The following SMARCA4 variants were observed in gnomAD, a reference collection of about 807,000 sequenced individuals.
SMARCA4 encodes the protein SWI/SNF-related matrix-associated actin-dependent regulator of chromatin subfamily A member 4.
Under a neutral mutation model 193.9 loss-of-function variants are expected in SMARCA4, and 31 were observed. That is an observed-to-expected ratio of 0.16 (90% CI 0.12 to 0.22). The LOEUF (loss-of-function observed/expected upper bound fraction) is 0.22. SMARCA4 is among the 10% of genes least tolerant of loss of function. SMARCA4 has a pLI of 1.00. For missense variants in SMARCA4, 1,148 were observed against 2,296.0 expected (o/e 0.50, Z 10.22); for synonymous variants, 942 against 933.1 (o/e 1.01, Z -0.17).
intron 24 of SMARCA4, 28 bp downstream of exon 24, chr19:11,027,978 T>A (rs2146547741): frequency 6.2e-7 from 1 of 1,612,390 alleles, no homozygotes; most frequent in Non-Finnish European, 8.5e-7. Flanking sequence ...AGGCGTTTCT[T>A]ACAGGGTTTT....
chr19:11,034,606 G>T lies in SMARCA4; in HGVS notation c.3952-308G>T, dbSNP rs111624648. Reference sequence around the variant, plus strand: ...CACCCAAGCAGGGGCCCCTTGGCCCGCAGGCCTCATGCCTCCACCAACGCT... The same window carrying T: ...CACCCAAGCAGGGGCCCCTTGGCCCTCAGGCCTCATGCCTCCACCAACGCT... On this transcript the variant is annotated intron_variant, in intron 28 of 34. Coordinates refer to ENST00000344626, the MANE Select transcript of SMARCA4 (RefSeq NM_003072.5). The surrounding 1 kb of genome is among the most constrained non-coding windows in gnomAD (Gnocchi z 7.0). Among the ~76,000 whole-genome samples, 3 of 152,160 alleles carry T rather than the reference G, an allele frequency of 2.0e-5. No homozygotes were observed. The highest frequency in any genetic ancestry group is 7.2e-5 in the African/African-American group (3 of 41,454).
chr19:10,972,100 C>T lies in SMARCA4; in HGVS notation c.-32+10926C>T, dbSNP rs140470372. ...CCCCCACACCGAGTAGCTGGGATTA[C>T]GGGCGCCTGCCACCATGCCGGCTAA... On this transcript the variant is annotated intron_variant, in intron 1 of 34. Transcript: ENST00000344626. Among the ~76,000 whole-genome samples, 91 of 152,140 alleles carry T rather than the reference C, an allele frequency of 6.0e-4. 1 individual carries two copies. The highest frequency in any genetic ancestry group is 1.8e-3 in the African/African-American group (75 of 41,520).
chr19:10,971,795 G>A (rs547737941), intron 1 of SMARCA4, among the ~76,000 whole-genome samples: 7 of 140,092 alleles, frequency 5.0e-5, no homozygotes, highest in African/African-American at 1.6e-4. Context: ...TTTTTTTGGA[G>A]GGGGGAGATG....
At chr19:11,003,993 T>A (rs570152788) in intron 13 of SMARCA4, among the ~76,000 whole-genome samples, 1 of 151,430 alleles carries the variant, frequency 6.6e-6, no homozygotes, top group East Asian at 2.0e-4. Context: ...ATTACAGACA[T>A]GAACCTCCAC....
intron 6 of SMARCA4, 104 bp downstream of exon 6, chr19:10,988,028 G>A (rs2086220498): frequency 3.4e-6 from 4 of 1,178,166 alleles, no homozygotes; most frequent in Non-Finnish European, 3.7e-6. Flanking sequence ...AGTGCCCTGT[G>A]CCCACCACTG....
intron 11 of SMARCA4, among the ~76,000 whole-genome samples, chr19:11,001,546 G>A (rs913918838): frequency 6.6e-6 from 1 of 152,222 alleles, no homozygotes; most frequent in African/African-American, 2.4e-5. Context: ...GGGGAGGCAT[G>A]CAGCAATCGG....
Position 10,984,183 on chromosome 19 carries a change from C to A in SMARCA4, c.32C>A (p.Thr11Asn). 6.2e-7 allele frequency: 1 copy of A among 1,613,476 alleles called. No individual in the cohort carries two copies. Among genetic ancestry groups the A allele is most frequent in the South Asian group, 1.1e-5 (1 of 91,084 alleles). Reference sequence around the variant, plus strand: ...ACTCCAGACCCACCCCTGGGCGGAACTCCTCGGCCAGGTCCTTCCCCGGGC... The same window carrying A: ...ACTCCAGACCCACCCCTGGGCGGAAATCCTCGGCCAGGTCCTTCCCCGGGC... The part of the protein sequence containing the change: MSTPDPPLGG[T>N]PRPGPSPGPG... Residue 11 changes from threonine to asparagine, a missense_variant, in exon 2 of 35, where the codon ACT becomes AAT. By Grantham distance (65) the Thr-to-Asn change is moderately conservative. Around this residue, in one of 17 missense-constraint regions of SMARCA4, gnomAD observed 201 missense variants for 248.3 expected, o/e 0.81. Transcript: ENST00000344626. This position sits in a 1 kb window ranked among gnomAD's most constrained non-coding sequence, Gnocchi z 4.3.
In SMARCA4 at chr19:10,984,436, C is replaced by T. The variant is rs2145730000; in HGVS notation, c.222+63C>T. On this transcript the variant is annotated intron_variant, in intron 2 of 34. Coordinates refer to ENST00000344626, the MANE Select transcript of SMARCA4 (RefSeq NM_003072.5). This position sits in a 1 kb window ranked among gnomAD's most constrained non-coding sequence, Gnocchi z 4.3. ...TGCCCACTAGGGCTGCAGGCAGCCT[C>T]TGGACCGAGGGCCTTACTTGGAGGA... The T allele has an allele frequency of 6.5e-7, 1 of 1,549,680 alleles. No individual in the cohort carries two copies. Among genetic ancestry groups the T allele is most frequent in the East Asian group, 2.4e-5 (1 of 40,934 alleles).
intron 23 of SMARCA4, 36 bp downstream of exon 23, chr19:11,026,382 G>A (rs780061075): frequency 6.4e-7 from 1 of 1,555,252 alleles, no homozygotes; most frequent in Non-Finnish European, 8.9e-7. Flanking sequence ...GTGGGCAGGT[G>A]GTCCACCCAG....
intron 8 of SMARCA4, among the ~76,000 whole-genome samples, chr19:10,993,841 T>A (rs2086771239): frequency 1.3e-5 from 2 of 151,528 alleles, no homozygotes; most frequent in Non-Finnish European, 2.9e-5. Context: ...GAGACGGGGT[T>A]TCACCATGTT....
intron 23 of SMARCA4, 150 bp downstream of exon 23, chr19:11,026,496 T>TA: frequency 1.3e-5 from 7 of 549,910 alleles, no homozygotes; most frequent in East Asian, 6.6e-5. Flanking sequence ...ATAATACAAA[T>TA]CTTTTTTTTT....
intron 1 of SMARCA4, among the ~76,000 whole-genome samples, chr19:10,981,231 C>G (rs2085528307): frequency 6.6e-6 from 1 of 152,102 alleles, no homozygotes; most frequent in Middle Eastern, 3.2e-3. Context: ...AGGGGAGCGC[C>G]AAGGAGCCAG....
At chr19:10,990,965 C>T (rs2086505736) in intron 7 of SMARCA4, among the ~76,000 whole-genome samples, 185 bp from the exon 8 acceptor site, 1 of 152,234 alleles carries the variant, frequency 6.6e-6, no homozygotes, top group Non-Finnish European at 1.5e-5. Flanking sequence ...AAGTGATCAC[C>T]TTCTGTCCTG....
chr19:11,030,165 G>A lies in SMARCA4; in HGVS notation c.3383-565G>A, dbSNP rs1290264726. Among the ~76,000 whole-genome samples, 2 of 152,310 alleles carry A rather than the reference G, an allele frequency of 1.3e-5. No individual in the cohort carries two copies. Among genetic ancestry groups the A allele is most frequent in the South Asian group, 2.1e-4 (1 of 4,824 alleles). On this transcript the variant is annotated intron_variant, in intron 24 of 34. Coordinates refer to ENST00000344626, the MANE Select transcript of SMARCA4 (RefSeq NM_003072.5). This position sits in a 1 kb window ranked among gnomAD's most constrained non-coding sequence, Gnocchi z 5.5. Reference sequence around the variant, plus strand: ...TCTGGGGCATGGGGACACTGATCCTGCCAGAAAGGACACGAGCCCCCTTTA... The same window carrying A: ...TCTGGGGCATGGGGACACTGATCCTACCAGAAAGGACACGAGCCCCCTTTA...
intron 30 of SMARCA4, among the ~76,000 whole-genome samples, chr19:11,053,796 A>C (rs1040026102): frequency 1.3e-5 from 2 of 152,100 alleles, no homozygotes; most frequent in African/African-American, 2.4e-5. Context: ...CTGTAGTCCT[A>C]GCTACTTGGG....
chr19:10,982,200 CGTG>C (rs1338529431), intron 1 of SMARCA4, among the ~76,000 whole-genome samples: 1 of 150,796 alleles, frequency 6.6e-6, no homozygotes, highest in East Asian at 2.0e-4. Context: ...ATTGGCCTGG[CGTG>C]GTGGTTCACA....
intron 14 of SMARCA4, among the ~76,000 whole-genome samples, chr19:11,010,008 T>G (rs1417703418): frequency 6.6e-6 from 1 of 152,074 alleles, no homozygotes; most frequent in Non-Finnish European, 1.5e-5. Flanking sequence ...TTTTTTGTAG[T>G]AGAGATGGGG....
At chr19:10,961,832 T>C (rs1023030205) in intron 1 of SMARCA4, 12 of 152,198 alleles carry the variant, frequency 7.9e-5, no homozygotes, top group Admixed American at 6.5e-5. Flanking sequence ...ACGGAGGAAA[T>C]CCTTTGCTGT....
At chr19:11,018,292 G>A (rs1167253854) in intron 16 of SMARCA4, 2 of 169,252 alleles carry the variant, frequency 1.2e-5, no homozygotes, top group Non-Finnish European at 2.6e-5. Flanking sequence ...CTTTATTACC[G>A]CCTCCACCCT....
Sources: gnomAD v4.1 joint callset for allele counts (sites outside exome capture counted in the v4.1 genomes callset) on GRCh38, gnomAD v4.1.1 for gene constraint, gnomAD v4.1.1 regional missense constraint, Gnocchi (gnomAD v3.1) non-coding constraint, MANE v1.5 for transcripts, NCBI Gene and HGNC (gene_info 2026-07-23, HGNC 2026-07-21) for gene names.